CDC42SE2: variants seen among roughly 807,000 people sequenced by gnomAD.
CDC42SE2 encodes the protein CDC42 small effector protein 2.
CDC42SE2 carries 3 observed loss-of-function variants against 11.5 expected under a neutral mutation model. The observed-to-expected ratio is 0.26, with a 90% CI of 0.12 to 0.67. The LOEUF is 0.67. CDC42SE2 is among the 30% of genes least tolerant of loss of function. The pLI is 0.80. For synonymous variants in CDC42SE2, 33 were observed against 34.8 expected (o/e 0.95, Z 0.18); for missense variants, 82 against 106.8 (o/e 0.77, Z 1.02).
upstream of CDC42SE2, chr5:131,263,624 G>GCACC (rs1170319708): frequency 5.9e-5 from 9 of 151,966 alleles, no homozygotes; most frequent in Non-Finnish European, 1.0e-4. Context: ...CAACCGCTCA[G>GCACC]CACCCACCCA....
chr5:131,223,608 G>A, the CDC42SE2 span, among the ~76,000 whole-genome samples: 1 of 151,856 alleles, frequency 6.6e-6, no homozygotes, highest in Non-Finnish European at 1.5e-5. Context: ...CCCAGTAAAG[G>A]ACATTGCTCC....
At chr5:131,239,101 A>C in the CDC42SE2 span, among the ~76,000 whole-genome samples, 2 of 152,002 alleles carry the variant, frequency 1.3e-5, no homozygotes, top group Non-Finnish European at 2.9e-5. Context: ...CGGAGGTTGA[A>C]GTGAGCCGAG....
At chr5:131,309,925 G>GT (rs1757865657) in intron 1 of CDC42SE2, among the ~76,000 whole-genome samples, 3 of 151,660 alleles carry the variant, frequency 2.0e-5, no homozygotes, top group Non-Finnish European at 4.4e-5. Flanking sequence ...TTTTTGAAGG[G>GT]TTTTTTGTGT....
At chr5:131,352,260 A>T (rs904908987) in intron 2 of CDC42SE2, among the ~76,000 whole-genome samples, 10 of 152,200 alleles carry the variant, frequency 6.6e-5, no homozygotes, top group African/African-American at 2.4e-4. Flanking sequence ...TAACAGCTTT[A>T]TTTTTAATAG....
At chr5:131,250,460 T>C (rs1352581602) in intron 1 of CDC42SE2, among the ~76,000 whole-genome samples, 2 of 152,110 alleles carry the variant, frequency 1.3e-5, no homozygotes, top group African/African-American at 2.4e-5. Flanking sequence ...TATTGCTAAG[T>C]GAAATAGGTA....
chr5:131,301,778 A>G lies in CDC42SE2; in HGVS notation c.-454-14198A>G, dbSNP rs536170544. ...GTCTCAAAAAAAAAAAAAAATTAAAAAAGTTAAAAGTCCTCTGACTAAAAA... is the reference window on the plus strand; with the variant it reads ...GTCTCAAAAAAAAAAAAAAATTAAAGAAGTTAAAAGTCCTCTGACTAAAAA... On this transcript the variant is annotated intron_variant, in intron 1 of 4. Transcript: ENST00000505065. 1.6e-4 allele frequency among the ~76,000 whole-genome samples: 24 copies of G among 152,084 alleles called. No homozygotes were observed. In the South Asian group the frequency reaches 5.0e-3, roughly 32 times the overall value.
At chr5:131,240,713 A>G (rs779321585), upstream of CDC42SE2, among the ~76,000 whole-genome samples, 1 of 152,184 alleles carries the variant, frequency 6.6e-6, no homozygotes, top group Non-Finnish European at 1.5e-5. Flanking sequence ...TATATTCCCA[A>G]TTGCTTTTAA....
At chr5:131,274,899 G>T (rs191943102) in intron 1 of CDC42SE2, among the ~76,000 whole-genome samples, 207 of 152,232 alleles carry the variant, frequency 1.4e-3, no homozygotes, top group African/African-American at 4.9e-3. Context: ...TTTCCTGAAT[G>T]AATGACTGTT....
intron 2 of CDC42SE2, chr5:131,354,566 C>T (rs1477237658): frequency 6.6e-6 from 1 of 152,168 alleles, no homozygotes; most frequent in African/African-American, 2.4e-5. Context: ...ATGTGAGAAT[C>T]ATCTGTGTTG....
At chr5:131,365,570 CCTT>C (rs1232086717) in intron 3 of CDC42SE2, among the ~76,000 whole-genome samples, 3 of 152,100 alleles carry the variant, frequency 2.0e-5, no homozygotes, top group African/African-American at 7.2e-5. Context: ...CAATTTTTTT[CCTT>C]CTTCTGAAAA....
intron 2 of CDC42SE2, among the ~76,000 whole-genome samples, chr5:131,322,724 C>CT (rs1758217335): frequency 6.6e-6 from 1 of 152,146 alleles, no homozygotes; most frequent in Non-Finnish European, 1.5e-5. Flanking sequence ...GCTTCTACCT[C>CT]TTGGCTGTTG....
intron 3 of CDC42SE2, among the ~76,000 whole-genome samples, chr5:131,375,904 A>C (rs936527439): frequency 1.2e-4 from 18 of 152,148 alleles, no homozygotes; most frequent in African/African-American, 4.1e-4. Flanking sequence ...GGCTGAATTC[A>C]GCTTCTTTAA....
At chr5:131,369,224 A>G (rs1005567216) in intron 3 of CDC42SE2, among the ~76,000 whole-genome samples, 1 of 152,154 alleles carries the variant, frequency 6.6e-6, no homozygotes, top group African/African-American at 2.4e-5. Context: ...ATCCAATGGT[A>G]TATTTATAAG....
intron 2 of CDC42SE2, among the ~76,000 whole-genome samples, chr5:131,327,452 T>C (rs1561585827): frequency 6.6e-6 from 1 of 152,236 alleles, no homozygotes; most frequent in African/African-American, 2.4e-5. Flanking sequence ...TTTCTTTTTC[T>C]TTTGAGTATT....
At chr5:131,254,213 G>C (rs1756662215) in intron 1 of CDC42SE2, among the ~76,000 whole-genome samples, 1 of 152,086 alleles carries the variant, frequency 6.6e-6, no homozygotes, top group South Asian at 2.1e-4. Flanking sequence ...GCAGGCCCTG[G>C]GGCACACCAC....
chr5:131,346,379 A>G (rs1380761279), intron 2 of CDC42SE2, among the ~76,000 whole-genome samples: 3 of 152,214 alleles, frequency 2.0e-5, no homozygotes, highest in Non-Finnish European at 4.4e-5. Context: ...CAGACTTTAA[A>G]CCAACAAAGA....
chr5:131,333,219 T>C (rs893197224), intron 2 of CDC42SE2, among the ~76,000 whole-genome samples: 1 of 152,208 alleles, frequency 6.6e-6, no homozygotes, highest in Admixed American at 6.5e-5. Context: ...ATTTATTAAA[T>C]AGGGAATCCT....
intron 1 of CDC42SE2, among the ~76,000 whole-genome samples, chr5:131,252,426 G>T (rs1233027153): frequency 6.6e-6 from 1 of 152,188 alleles, no homozygotes; most frequent in Non-Finnish European, 1.5e-5. Context: ...GGCCGAGGCG[G>T]GTGGATTGCC....
chr5:131,391,117 T>G lies in CDC42SE2; in HGVS notation c.*26T>G, dbSNP rs758158100. 1 of 1,566,888 alleles carries G rather than the reference T, an allele frequency of 6.4e-7. No individual in the cohort carries two copies. The highest frequency in any genetic ancestry group is 2.3e-5 in the East Asian group (1 of 44,308). On this transcript the variant is annotated 3_prime_UTR_variant, in exon 5 of 5. Coordinates refer to ENST00000505065, the MANE Select transcript of CDC42SE2 (RefSeq NM_001375635.1). ...CCCTGGTCCTTTCTCCAGTGAGTAC[T>G]CAGAGCTGGGGTCTGGACCTGACGG...
Sources: gnomAD v4.1 joint callset for allele counts (sites outside exome capture counted in the v4.1 genomes callset) on GRCh38, gnomAD v4.1.1 for gene constraint, MANE v1.5 for transcripts, NCBI Gene and HGNC (gene_info 2026-07-23, HGNC 2026-07-21) for gene names.